NAALADL2: variants seen among roughly 807,000 people sequenced by gnomAD.
NAALADL2 encodes the protein N-acetylated alpha-linked acidic dipeptidase like 2.
In NAALADL2, 76 loss-of-function variants were observed where a neutral mutation model predicts 87.2. The observed-to-expected ratio is 0.87, with a 90% CI of 0.72 to 1.05. NAALADL2 has a LOEUF of 1.05. Among genes scored for constraint, NAALADL2 ranks in the 50% least tolerant of loss-of-function variants. The pLI, the probability that NAALADL2 is intolerant of heterozygous loss-of-function variation, is 0.00. For synonymous variants in NAALADL2, 354 were observed against 331.0 expected (o/e 1.07, Z -0.75); for missense variants, 1,089 against 945.8 (o/e 1.15, Z -1.99).
chr3:175,266,480 A>G (rs1486666309), intron 4 of NAALADL2, among the ~76,000 whole-genome samples: 1 of 151,622 alleles, frequency 6.6e-6, no homozygotes, highest in South Asian at 2.1e-4. Context: ...ATAAAGTTAT[A>G]TTTATTCTTC....
chr3:175,673,762 C>T (rs923022236), intron 11 of NAALADL2, among the ~76,000 whole-genome samples: 8 of 152,074 alleles, frequency 5.3e-5, no homozygotes, highest in African/African-American at 1.7e-4. Context: ...AAATTTCAAT[C>T]AACCCAAAGG....
chr3:175,084,453 C>T (rs1318466768), intron 1 of NAALADL2, among the ~76,000 whole-genome samples: 1 of 152,140 alleles, frequency 6.6e-6, no homozygotes, highest in African/African-American at 2.4e-5. Context: ...CATATGGTCT[C>T]TCCAACAAAG....
At chr3:174,526,566 T>C (rs1720766943) in intron 1 of NAALADL2, among the ~76,000 whole-genome samples, 1 of 152,228 alleles carries the variant, frequency 6.6e-6, no homozygotes, top group Non-Finnish European at 1.5e-5. Flanking sequence ...TGAATCACTT[T>C]CATAATTTTT....
At chr3:175,036,998 G>A (rs1753498088) in intron 1 of NAALADL2, among the ~76,000 whole-genome samples, 3 of 151,892 alleles carry the variant, frequency 2.0e-5, no homozygotes. Flanking sequence ...ACACAGGTTG[G>A]TCGTTTCTTC....
At chr3:174,980,094 G>A (rs780006949) in intron 1 of NAALADL2, among the ~76,000 whole-genome samples, 58 of 151,986 alleles carry the variant, frequency 3.8e-4, no homozygotes, top group Non-Finnish European at 6.0e-4. Flanking sequence ...CTCTTTCTCC[G>A]TTTACATGCT....
intron 1 of NAALADL2, among the ~76,000 whole-genome samples, chr3:174,525,761 C>T (rs866615665): frequency 1.3e-5 from 2 of 152,212 alleles, no homozygotes; most frequent in Middle Eastern, 3.2e-3. Flanking sequence ...ATTCTAGCAT[C>T]TCTTCAACTT....
At chr3:175,469,066 A>G (rs1027253706) in intron 8 of NAALADL2, among the ~76,000 whole-genome samples, 4 of 152,086 alleles carry the variant, frequency 2.6e-5, no homozygotes, top group African/African-American at 9.6e-5. Context: ...CTGAATGTTT[A>G]TATATGTATT....
intron 11 of NAALADL2, among the ~76,000 whole-genome samples, chr3:175,698,287 A>G (rs1244087914): frequency 9.8e-6 from 1 of 101,528 alleles, no homozygotes; most frequent in Non-Finnish European, 1.8e-5. Context: ...GTATATATGT[A>G]TGTATACATA....
intron 2 of NAALADL2, among the ~76,000 whole-genome samples, chr3:174,684,055 T>A (rs574318602): frequency 6.6e-6 from 1 of 152,192 alleles, no homozygotes; most frequent in African/African-American, 2.4e-5. Context: ...TGCAGATTAC[T>A]TACTAAAAGA....
At chr3:175,706,337 G>A (rs922811775) in intron 11 of NAALADL2, among the ~76,000 whole-genome samples, 4 of 151,986 alleles carry the variant, frequency 2.6e-5, no homozygotes, top group African/African-American at 9.7e-5. Flanking sequence ...TTTTTTCTAT[G>A]CATACTTAGT....
chr3:174,452,293 T>C (rs1715542563), intron 1 of NAALADL2, among the ~76,000 whole-genome samples: 1 of 152,194 alleles, frequency 6.6e-6, no homozygotes, highest in South Asian at 2.1e-4. Context: ...ACCCACTTGT[T>C]ATATGTATGA....
At chr3:174,890,165 A>G (rs1233663619) in intron 1 of NAALADL2, among the ~76,000 whole-genome samples, 1 of 146,108 alleles carries the variant, frequency 6.8e-6, no homozygotes, top group East Asian at 2.1e-4. Context: ...AATGAAATAG[A>G]TTATGTATAG....
intron 7 of NAALADL2, 27 bp from the exon 8 acceptor site, chr3:175,466,952 A>G: frequency 6.5e-7 from 1 of 1,537,332 alleles, no homozygotes; most frequent in Non-Finnish European, 9.0e-7. Flanking sequence ...ATTTTTTTAA[A>G]TGGCTCTTGT....
rs896059254 is a variant in NAALADL2 at position 175,090,522 on chromosome 3, T to G, written c.44-6268T>G. ...TAGCAGGTGCTCATGCATATGCAAGTGATCTAAAACAAATTTACACGAACT... is the reference window on the plus strand; with the variant it reads ...TAGCAGGTGCTCATGCATATGCAAGGGATCTAAAACAAATTTACACGAACT... On this transcript the variant is annotated intron_variant, in intron 1 of 13. Transcript: ENST00000454872. Among the ~76,000 whole-genome samples, 4 of 151,576 alleles carry G rather than the reference T, an allele frequency of 2.6e-5. No homozygotes were observed. In the South Asian group the frequency reaches 6.2e-4, roughly 24 times the overall value.
chr3:175,646,948 C>T (rs1022551288), intron 11 of NAALADL2, among the ~76,000 whole-genome samples: 3 of 151,974 alleles, frequency 2.0e-5, no homozygotes, highest in East Asian at 1.9e-4. Context: ...CTTACAGTAA[C>T]GAAAAAATTC....
chr3:174,636,188 C>G (rs907899423), intron 2 of NAALADL2, among the ~76,000 whole-genome samples: 2 of 152,046 alleles, frequency 1.3e-5, no homozygotes, highest in Non-Finnish European at 2.9e-5. Context: ...AAAATCAACT[C>G]GAGATGTATT....
At chr3:175,405,812 G>T (rs1364564662) in intron 5 of NAALADL2, among the ~76,000 whole-genome samples, 1 of 152,178 alleles carries the variant, frequency 6.6e-6, no homozygotes, top group Middle Eastern at 3.2e-3. Context: ...TAAGTACTAT[G>T]CTGTAATTAA....
At position 175,227,486 on chromosome 3, in the gene NAALADL2, G is replaced by A. The variant is rs185614974; in HGVS notation, c.546-6445G>A. On this transcript the variant is annotated intron_variant, in intron 2 of 13. Transcript: ENST00000454872. ...TAAAACACTCTGTCAAATAAATACC[G>A]TGTGATTTTAGGTTATACCCTTCAA... Among the ~76,000 whole-genome samples, 253 of 151,966 alleles carry A rather than the reference G, an allele frequency of 1.7e-3. 1 individual carries two copies. Among genetic ancestry groups the A allele is most frequent in the African/African-American group, 5.6e-3 (233 of 41,494 alleles).
intron 2 of NAALADL2, among the ~76,000 whole-genome samples, chr3:175,111,559 C>A (rs1219902240): frequency 6.6e-6 from 1 of 151,664 alleles, no homozygotes; most frequent in Non-Finnish European, 1.5e-5. Context: ...TAGCTACTGA[C>A]ATAATTTTTA....
Sources: gnomAD v4.1 joint callset for allele counts (sites outside exome capture counted in the v4.1 genomes callset) on GRCh38, gnomAD v4.1.1 for gene constraint, MANE v1.5 for transcripts, NCBI Gene and HGNC (gene_info 2026-07-23, HGNC 2026-07-21) for gene names.